The following GNG7 variants were observed in gnomAD, a reference collection of about 807,000 sequenced individuals.
The protein encoded by GNG7 is G protein subunit gamma 7.
A neutral mutation model predicts 4.0 loss-of-function variants in GNG7; 1 was observed. The ratio of observed to expected loss-of-function variants is 0.25; its 90% CI spans 0.09 to 1.18. The LOEUF is 1.18. GNG7 is among the 50% of genes most tolerant of loss of function. The pLI, the probability that GNG7 is intolerant of heterozygous loss-of-function variation, is 0.50. For synonymous variants in GNG7, 34 were observed against 36.9 expected (o/e 0.92, Z 0.29); for missense variants, 86 against 91.9 (o/e 0.94, Z 0.26).
At chr19:2,628,935 G>C (rs541936377) in intron 2 of GNG7, among the ~76,000 whole-genome samples, 3 of 152,320 alleles carry the variant, frequency 2.0e-5, no homozygotes, top group South Asian at 4.1e-4. Flanking sequence ...CGCAGGTCCA[G>C]CCCATCCTCA....
chr19:2,565,869 T>C (rs1173858991), intron 2 of GNG7, among the ~76,000 whole-genome samples: 1 of 151,916 alleles, frequency 6.6e-6, no homozygotes, highest in Non-Finnish European at 1.5e-5. Context: ...TTTTAAACCA[T>C]GGTAGAGGCC....
Position 2,513,120 on chromosome 19 carries a change from T to C in GNG7, c.*1902A>G. ...CCCGAGGTTGAGGAGTGGAGGTCAC[T>C]CCCCCGACACCTGCACACACACCCG... is the stretch of plus-strand genomic sequence containing the variant. On this transcript the variant is annotated 3_prime_UTR_variant, in exon 5 of 5. Coordinates refer to ENST00000382159, the MANE Select transcript of GNG7 (RefSeq NM_052847.3). 2.0e-6 allele frequency: 2 copies of C among 985,264 alleles called. No individual in the cohort carries two copies. Among genetic ancestry groups the C allele is most frequent in the Non-Finnish European group, 2.4e-6 (2 of 829,960 alleles). 61.0% of individuals were successfully genotyped at this position (985,264 alleles called of 1,614,324 possible). A position where few individuals can be genotyped will look rare whatever the true frequency, so the allele number is the denominator to read the frequency against.
intron 2 of GNG7, among the ~76,000 whole-genome samples, chr19:2,591,144 C>A (rs1257940614): frequency 6.6e-6 from 1 of 152,194 alleles, no homozygotes; most frequent in Non-Finnish European, 1.5e-5. Flanking sequence ...CTCAGCACCT[C>A]ACAGAGAACA....
intron 1 of GNG7, among the ~76,000 whole-genome samples, chr19:2,690,781 A>T (rs1249896625): frequency 1.3e-5 from 2 of 152,058 alleles, no homozygotes; most frequent in African/African-American, 4.8e-5. Context: ...GTTAATAAAG[A>T]CGGGGTTTCA....
intron 3 of GNG7, among the ~76,000 whole-genome samples, chr19:2,531,873 C>T (rs1978602165): frequency 1.3e-5 from 2 of 151,912 alleles, no homozygotes; most frequent in African/African-American, 4.8e-5. Context: ...CCAGCACTGC[C>T]AGGTGCGGTG....
chr19:2,623,145 G>A (rs1021521358), intron 2 of GNG7, among the ~76,000 whole-genome samples: 1 of 152,152 alleles, frequency 6.6e-6, no homozygotes, highest in African/African-American at 2.4e-5. Flanking sequence ...GGGCAACATA[G>A]CCAGACCCCA....
intron 1 of GNG7, among the ~76,000 whole-genome samples, chr19:2,662,280 A>AAAAAAG (rs34389468): frequency 1.4e-5 from 2 of 143,082 alleles, no homozygotes; most frequent in Non-Finnish European, 3.0e-5. Flanking sequence ...AAAAAAAAAA[A>AAAAAAG]TCAACCCAAG....
intron 3 of GNG7, among the ~76,000 whole-genome samples, chr19:2,542,107 CTTT>C (rs1175526574): frequency 4.6e-5 from 3 of 64,564 alleles, no homozygotes; most frequent in African/African-American, 6.7e-5. Flanking sequence ...GCTGTGTGTT[CTTT>C]TTTTTTTTTT....
rs35639922 is a variant in GNG7, at chr19:2,525,971, A to ATTTTTTTTTTTTTTTT, written c.-37-5262_-37-5247dup. On this transcript the variant is annotated intron_variant, in intron 3 of 4. Transcript: ENST00000382159. Reference sequence around the variant, plus strand: ...ATTACAGGTGCCTGCCTCCACGCCAATTTTTTTTTTTTTTTTTGAGACAGA... The same window carrying ATTTTTTTTTTTTTTTT: ...ATTACAGGTGCCTGCCTCCACGCCAATTTTTTTTTTTTTTTTTTTTTTTTTTTTTTTTTGAGACAGA... 2.4e-3 allele frequency among the ~76,000 whole-genome samples: 182 copies of ATTTTTTTTTTTTTTTT among 75,668 alleles called. 41 individuals are homozygous for ATTTTTTTTTTTTTTTT. Among genetic ancestry groups the ATTTTTTTTTTTTTTTT allele is most frequent in the African/African-American group, 9.7e-3 (161 of 16,566 alleles). 49.6% of individuals were successfully genotyped at this position (75,668 alleles called of 152,430 possible).
At chr19:2,625,120 G>C (rs1182751617) in intron 2 of GNG7, among the ~76,000 whole-genome samples, 1 of 152,212 alleles carries the variant, frequency 6.6e-6, no homozygotes, top group African/African-American at 2.4e-5. Flanking sequence ...CCAGGCTGGA[G>C]TGCAGTGGTG....
intron 3 of GNG7, among the ~76,000 whole-genome samples, chr19:2,551,100 C>T (rs62121715): frequency 0.21 from 31,581 of 152,226 alleles, 3,914 homozygotes; most frequent in Middle Eastern, 0.32. Context: ...TGAGCCTTGC[C>T]CAGGCAGCTC....
intron 2 of GNG7, among the ~76,000 whole-genome samples, chr19:2,613,986 C>A (rs144977959): frequency 6.6e-6 from 1 of 152,216 alleles, no homozygotes; most frequent in Admixed American, 6.5e-5. Context: ...ACGGCCACAG[C>A]GACATCTAAA....
Position 2,633,479 on chromosome 19 carries a change from G to A in GNG7, c.-78+12745C>T, listed in dbSNP as rs959914501. 2.7e-5 allele frequency among the ~76,000 whole-genome samples: 2 copies of A among 73,274 alleles called. No homozygotes were observed. The highest frequency in any genetic ancestry group is 6.0e-5 in the Non-Finnish European group (2 of 33,078). 48.1% of individuals were successfully genotyped at this position (73,274 alleles called of 152,430 possible). On this transcript the variant is annotated intron_variant, in intron 2 of 4. Coordinates refer to ENST00000382159, the MANE Select transcript of GNG7 (RefSeq NM_052847.3). This position sits in a 1 kb window ranked among gnomAD's most constrained non-coding sequence, Gnocchi z 5.9. ...CGGTTGCTTAGCAACAGGCGCGCGC[G>A]CGCGCGCGCACACACACACACACAC... is the stretch of plus-strand genomic sequence containing the variant.
intron 2 of GNG7, among the ~76,000 whole-genome samples, chr19:2,571,406 C>A (rs1302374089): frequency 1.3e-5 from 2 of 152,082 alleles, no homozygotes; most frequent in Non-Finnish European, 2.9e-5. Flanking sequence ...TATCCTTGTT[C>A]TGATTGCAGA....
At chr19:2,556,068 G>A (rs1979533905) in intron 2 of GNG7, among the ~76,000 whole-genome samples, 1 of 152,220 alleles carries the variant, frequency 6.6e-6, no homozygotes, top group Non-Finnish European at 1.5e-5. Flanking sequence ...CTATTTCGTG[G>A]ACAAGGAGGC....
intron 1 of GNG7, among the ~76,000 whole-genome samples, chr19:2,679,251 A>G (rs1040206403): frequency 1.3e-5 from 2 of 152,022 alleles, no homozygotes; most frequent in African/African-American, 4.8e-5. Context: ...GAGTCTCACT[A>G]TGTTGCTCAG....
At chr19:2,590,540 ACCAT>A (rs1234052784) in intron 2 of GNG7, among the ~76,000 whole-genome samples, 18 of 134,900 alleles carry the variant, frequency 1.3e-4, no homozygotes, top group Admixed American at 8.7e-4. Context: ...CACCCAACCA[ACCAT>A]CCATCCATCC....
chr19:2,644,111 C>G (rs1207197360), intron 2 of GNG7, among the ~76,000 whole-genome samples: 1 of 151,842 alleles, frequency 6.6e-6, no homozygotes, highest in Non-Finnish European at 1.5e-5. Context: ...ACCTCCGTCT[C>G]CCGCGTTCAA....
At chr19:2,639,046 G>A (rs951075944) in intron 2 of GNG7, among the ~76,000 whole-genome samples, 5 of 152,070 alleles carry the variant, frequency 3.3e-5, no homozygotes, top group Non-Finnish European at 7.4e-5. Context: ...ACACCAGCCT[G>A]GCCAACATGG....
Sources: gnomAD v4.1 joint callset for allele counts (sites outside exome capture counted in the v4.1 genomes callset) on GRCh38, gnomAD v4.1.1 for gene constraint, Gnocchi (gnomAD v3.1) non-coding constraint, MANE v1.5 for transcripts, NCBI Gene and HGNC (gene_info 2026-07-23, HGNC 2026-07-21) for gene names.